Variants in SFI1 observed in about 807,000 individuals in gnomAD.
SFI1 encodes the protein SFI1 centrin binding protein.
Under a neutral mutation model 207.5 loss-of-function variants are expected in SFI1, and 195 were observed. The observed-to-expected ratio is 0.94, with a 90% CI of 0.84 to 1.06. The LOEUF (loss-of-function observed/expected upper bound fraction) is 1.06, where lower values mean the gene tolerates loss of function less well. Ranked by LOEUF, SFI1 falls within the 50% of genes least tolerant of loss-of-function variation. The probability of loss-of-function intolerance (pLI) is 0.00; values close to 1 mark genes in which losing one functional copy is unlikely to be tolerated. For missense variants in SFI1, 1,634 were observed against 1,588.0 expected, an observed-to-expected ratio of 1.03 and a Z score of -0.49; for synonymous variants, 630 against 598.9, an observed-to-expected ratio of 1.05 and a Z score of -0.76.
At chr22:31,500,839 A>G (rs9306266) in intron 1 of SFI1, among the ~76,000 whole-genome samples, 114,778 of 150,302 alleles carry the variant, frequency 0.76, 43,955 homozygotes, top group Non-Finnish European at 0.8. Context: ...TTGCTCTGTC[A>G]CCCAGGCTGG....
intron 17 of SFI1, 84 bp from the exon 18 acceptor site, chr22:31,603,660 G>T: frequency 8.4e-7 from 1 of 1,185,400 alleles, no homozygotes; most frequent in Non-Finnish European, 1.1e-6. Flanking sequence ...AACCAGGTAG[G>T]GCTATGGACT....
intron 15 of SFI1, among the ~76,000 whole-genome samples, chr22:31,591,423 G>A (rs919279236): frequency 2.6e-5 from 4 of 152,054 alleles, no homozygotes; most frequent in African/African-American, 7.2e-5. Flanking sequence ...CACCTTTCCC[G>A]CCCTTCCATT....
At position 31,602,802 on chromosome 22, in the gene SFI1, G is replaced by A. The variant is rs564263125; in HGVS notation, c.1805+17G>A. 6.2e-7 allele frequency: 1 copy of A among 1,607,034 alleles called. No individual in the cohort carries two copies. Among genetic ancestry groups the A allele is most frequent in the Admixed American group, 1.7e-5 (1 of 59,410 alleles). ...CAGAACAGAGTGAGTGGCCAGTTCT[G>A]CCTTACAAGCCTTTCCATCACAGGC... On this transcript the variant is annotated intron_variant, in intron 17 of 32. Coordinates refer to ENST00000400288, the MANE Select transcript of SFI1 (RefSeq NM_001007467.3).
intron 14 of SFI1, among the ~76,000 whole-genome samples, chr22:31,585,604 C>T (rs928650108): frequency 2.0e-5 from 3 of 152,162 alleles, no homozygotes; most frequent in African/African-American, 4.8e-5. Flanking sequence ...TTAAGAAATA[C>T]TTATTGAGCA....
intron 8 of SFI1, among the ~76,000 whole-genome samples, chr22:31,567,860 A>G (rs1053974342): frequency 1.3e-5 from 2 of 152,236 alleles, no homozygotes; most frequent in African/African-American, 2.4e-5. Flanking sequence ...AATTACTTCA[A>G]GTAACTTTAA....
chr22:31,504,783 G>T (rs1470741959), intron 1 of SFI1, among the ~76,000 whole-genome samples: 1 of 152,082 alleles, frequency 6.6e-6, no homozygotes, highest in Non-Finnish European at 1.5e-5. Context: ...CATCACTCTA[G>T]TCTCTGCCTC....
In SFI1 at chr22:31,550,290, G is replaced by A. The variant is rs769383655; in HGVS notation, c.486G>A (p.Lys162=). The change falls in exon 6 of 33, where the codon AAG becomes AAA. Residue 162 remains lysine (K), a synonymous_variant. Coordinates refer to ENST00000400288, the MANE Select transcript of SFI1 (RefSeq NM_001007467.3). ...YLYNLMFQTW[K]TYVRQQQEMR... ...ACAACCTGATGTTCCAGACGTGGAA[G>A]ACCTATGTGCGTCAGCAGCAGGAGA... 2.5e-6 allele frequency: 4 copies of A among 1,614,116 alleles called. No individual in the cohort carries two copies. In the Admixed American group the frequency reaches 6.7e-5, roughly 27 times the overall value.
chr22:31,600,237 T>A (rs1376249003), intron 15 of SFI1, among the ~76,000 whole-genome samples: 4 of 152,172 alleles, frequency 2.6e-5, no homozygotes, highest in Admixed American at 2.6e-4. Flanking sequence ...TTTTATAAAT[T>A]GAGAAGAAAA....
chr22:31,592,401 A>T (rs1216690809), intron 15 of SFI1, among the ~76,000 whole-genome samples: 2 of 45,120 alleles, frequency 4.4e-5, no homozygotes, highest in East Asian at 9.0e-4. Flanking sequence ...CTGGCCGGGC[A>T]GGGGGCTGAC....
intron 21 of SFI1, chr22:31,607,638 A>G (rs921590215): frequency 6.6e-6 from 1 of 152,222 alleles, no homozygotes; most frequent in Non-Finnish European, 1.5e-5. Flanking sequence ...TTATATATAT[A>G]TAAAAATAGA....
chr22:31,499,019 T>C (rs997960870), intron 1 of SFI1, among the ~76,000 whole-genome samples: 1 of 151,856 alleles, frequency 6.6e-6, no homozygotes, highest in African/African-American at 2.4e-5. Flanking sequence ...TTGTTTTTAC[T>C]TTTGTTTTCA....
intron 2 of SFI1, among the ~76,000 whole-genome samples, chr22:31,512,376 A>G (rs941246877): frequency 1.3e-5 from 2 of 151,870 alleles, no homozygotes; most frequent in Non-Finnish European, 2.9e-5. Context: ...AAAAAATTAC[A>G]TGGTAAGAAT....
chr22:31,504,744 C>G (rs909807387), intron 1 of SFI1, among the ~76,000 whole-genome samples: 2 of 152,134 alleles, frequency 1.3e-5, no homozygotes, highest in African/African-American at 4.8e-5. Flanking sequence ...TCTGATGTTG[C>G]CAGCAATCTT....
At chr22:31,506,998 G>GA (rs1300545319) in intron 1 of SFI1, among the ~76,000 whole-genome samples, 2 of 152,132 alleles carry the variant, frequency 1.3e-5, no homozygotes, top group Admixed American at 1.3e-4. Flanking sequence ...CACAGAATTA[G>GA]AAAAAACTAC....
chr22:31,612,068 A>G (rs2147270790), intron 24 of SFI1: 2 of 1,278,522 alleles, frequency 1.6e-6, no homozygotes, highest in Middle Eastern at 2.9e-4. Context: ...CTCTCTCTAC[A>G]GTGTTGTATT....
At chr22:31,580,914 C>T (rs1206924018) in intron 12 of SFI1, among the ~76,000 whole-genome samples, 1 of 152,092 alleles carries the variant, frequency 6.6e-6, no homozygotes, top group Non-Finnish European at 1.5e-5. Context: ...ATTTTTTTAT[C>T]TATTTGCCAA....
intron 8 of SFI1, among the ~76,000 whole-genome samples, chr22:31,563,495 T>C (rs1374002377): frequency 6.6e-6 from 1 of 152,122 alleles, no homozygotes; most frequent in Admixed American, 6.5e-5. Flanking sequence ...TTTCTTCCCT[T>C]TCTAAGAGCC....
At chr22:31,497,685 G>A (rs143489432) in intron 1 of SFI1, among the ~76,000 whole-genome samples, 9 of 81,460 alleles carry the variant, frequency 1.1e-4, no homozygotes, top group African/African-American at 3.4e-4. Flanking sequence ...TAGAAATGAC[G>A]AAGCTAGAAA....
intron 1 of SFI1, among the ~76,000 whole-genome samples, chr22:31,503,473 T>C (rs2054131379): frequency 6.6e-6 from 1 of 152,082 alleles, no homozygotes; most frequent in African/African-American, 2.4e-5. Flanking sequence ...GCTTCTGTCA[T>C]CTCTTTAACC....
Sources: gnomAD v4.1 joint callset for allele counts (sites outside exome capture counted in the v4.1 genomes callset) on GRCh38, gnomAD v4.1.1 for gene constraint, MANE v1.5 for transcripts, NCBI Gene and HGNC (gene_info 2026-07-23, HGNC 2026-07-21) for gene names.